Variants in KAZN observed in about 807,000 individuals in gnomAD.
KAZN encodes kazrin.
Under a neutral mutation model 87.4 loss-of-function variants are expected in KAZN, and 40 were observed. The ratio of observed to expected loss-of-function variants is 0.46; its 90% CI spans 0.36 to 0.60. KAZN has a LOEUF of 0.60. Ranked by LOEUF, KAZN falls within the 20% of genes least tolerant of loss-of-function variation. The pLI is 0.00. For synonymous variants in KAZN, 466 were observed against 458.3 expected (o/e 1.02, Z -0.22); for missense variants, 898 against 1,073.9 (o/e 0.84, Z 2.29).
intron 1 of KAZN, among the ~76,000 whole-genome samples, chr1:14,716,410 A>T (rs374184601): frequency 2.6e-5 from 4 of 152,218 alleles, no homozygotes; most frequent in African/African-American, 9.6e-5. Flanking sequence ...GAGGGCATGC[A>T]GTCAGTTGAG....
intron 1 of KAZN, among the ~76,000 whole-genome samples, chr1:14,918,693 AAAAAAAAAAAAAAAATATATATATATAT>A (rs1381355077): frequency 5.2e-4 from 7 of 13,560 alleles, no homozygotes; most frequent in Admixed American, 1.6e-3. Flanking sequence ...AAAAAAAAAA[AAAAAAAAAAAAAAAATATATATATATAT>A]ATATATATAT....
chr1:14,112,276 C>G lies in KAZN; in HGVS notation c.92-68159C>G, dbSNP rs890460863. On this transcript the variant is annotated intron_variant, in intron 1 of 16. Transcript: ENST00000636203. ...CTGACTCTCTCTGCTAGAAGGTGAGCTCCTGATCTGGTGTGTTCATTCGTG... is the reference window on the plus strand; with the variant it reads ...CTGACTCTCTCTGCTAGAAGGTGAGGTCCTGATCTGGTGTGTTCATTCGTG... 1.5e-5 allele frequency among the ~76,000 whole-genome samples: 2 copies of G among 134,210 alleles called. 1 individual carries two copies. The highest frequency in any genetic ancestry group is 5.8e-5 in the African/African-American group (2 of 34,528). The allele number at this position is 134,210 out of a possible 152,430, so 88.0% of individuals were successfully genotyped here. A position where few individuals can be genotyped will look rare whatever the true frequency, so the allele number is the denominator to read the frequency against.
chr1:14,452,669 C>A (rs541322844), intron 2 of KAZN, among the ~76,000 whole-genome samples: 1 of 152,164 alleles, frequency 6.6e-6, no homozygotes, highest in Non-Finnish European at 1.5e-5. Context: ...TAGAAGACAG[C>A]CAGCGCAACA....
intron 1 of KAZN, among the ~76,000 whole-genome samples, chr1:14,706,996 C>G (rs777330129): frequency 4.6e-5 from 7 of 152,202 alleles, no homozygotes; most frequent in Non-Finnish European, 8.8e-5. Context: ...TCTTTGTTAC[C>G]ATGCTCTTGT....
In KAZN at chr1:14,820,687, G is replaced by A. The variant is rs1462524565; in HGVS notation, c.227-139997G>A. On this transcript the variant is annotated intron_variant, in intron 1 of 14. Coordinates refer to ENST00000376030, the MANE Select transcript of KAZN (RefSeq NM_201628.3). The surrounding 1 kb of genome is among the most constrained non-coding windows in gnomAD (Gnocchi z 4.1). ...GAAGATGAAGGCCCCAGCAAGGGAG[G>A]TATTCCTGTCTTGAGCAGAAGGTAA... is the stretch of plus-strand genomic sequence containing the variant. Among the ~76,000 whole-genome samples, 1 of 152,230 alleles carries A rather than the reference G, an allele frequency of 6.6e-6. No homozygotes were observed. Among genetic ancestry groups the A allele is most frequent in the Non-Finnish European group, 1.5e-5 (1 of 68,040 alleles).
intron 1 of KAZN, among the ~76,000 whole-genome samples, chr1:14,126,447 A>G (rs958088343): frequency 6.6e-6 from 1 of 152,032 alleles, no homozygotes; most frequent in East Asian, 1.9e-4. Context: ...AGGCCCACAG[A>G]CACAGAAGTA....
intron 1 of KAZN, among the ~76,000 whole-genome samples, chr1:14,689,528 G>A (rs762970116): frequency 6.6e-6 from 1 of 152,200 alleles, no homozygotes; most frequent in Non-Finnish European, 1.5e-5. Context: ...TTACTAGATG[G>A]TTGCAAGATG....
chr1:13,964,137 G>A (rs1641857431), intron 1 of KAZN, among the ~76,000 whole-genome samples: 1 of 152,056 alleles, frequency 6.6e-6, no homozygotes, highest in Admixed American at 6.5e-5. Flanking sequence ...TCTACTATAT[G>A]CCATATACAA....
At chr1:14,721,417 T>C (rs976094194) in intron 1 of KAZN, among the ~76,000 whole-genome samples, 1 of 152,230 alleles carries the variant, frequency 6.6e-6, no homozygotes, top group African/African-American at 2.4e-5. Context: ...CATGCTGGAC[T>C]GTGAGTCAAT....
intron 2 of KAZN, among the ~76,000 whole-genome samples, chr1:14,205,094 A>T (rs1646712393): frequency 6.6e-6 from 1 of 152,228 alleles, no homozygotes; most frequent in Non-Finnish European, 1.5e-5. Flanking sequence ...GCAGATGGGG[A>T]AGAGGCTGAA....
Position 15,095,253 on chromosome 1 carries a change from C to T in KAZN, c.1547+320C>T, listed in dbSNP as rs529750469. ...TGCCTTCCGGGACCAGCCCAAGCAG[C>T]TCTGCACACTGGGCCGCCATGGTGT... On this transcript the variant is annotated intron_variant, in intron 10 of 14. Coordinates refer to ENST00000376030, the MANE Select transcript of KAZN (RefSeq NM_201628.3). 4.6e-5 allele frequency among the ~76,000 whole-genome samples: 7 copies of T among 152,306 alleles called. No individual in the cohort carries two copies. In the East Asian group the frequency reaches 1.4e-3, roughly 30 times the overall value.
intron 1 of KAZN, among the ~76,000 whole-genome samples, chr1:14,698,081 T>TGTCCTTAG (rs1381153540): frequency 2.0e-5 from 3 of 152,238 alleles, no homozygotes; most frequent in African/African-American, 7.2e-5. Flanking sequence ...TTCTCCAGTA[T>TGTCCTTAG]TCTACCCAAG....
intron 1 of KAZN, among the ~76,000 whole-genome samples, chr1:14,714,631 C>T (rs1168971194): frequency 2.0e-5 from 3 of 152,042 alleles, no homozygotes; most frequent in African/African-American, 7.2e-5. Context: ...TGTCATGGTC[C>T]TTAAGGAAGC....
chr1:14,245,977 C>T (rs1054808509), intron 2 of KAZN, among the ~76,000 whole-genome samples: 5 of 152,180 alleles, frequency 3.3e-5, no homozygotes, highest in Admixed American at 6.5e-5. Context: ...GGTACATATG[C>T]ACCATGGAGT....
At chr1:14,335,917 A>G (rs1033544249) in intron 2 of KAZN, among the ~76,000 whole-genome samples, 1 of 152,198 alleles carries the variant, frequency 6.6e-6, no homozygotes, top group Non-Finnish European at 1.5e-5. Context: ...CACTGGAAAC[A>G]ATCTAGGACA....
chr1:14,162,016 G>A (rs1454499517), intron 1 of KAZN, among the ~76,000 whole-genome samples: 1 of 152,196 alleles, frequency 6.6e-6, no homozygotes, highest in East Asian at 1.9e-4. Flanking sequence ...CACAGAAATT[G>A]CTGGACCATA....
chr1:14,147,804 A>AC (rs917576059), intron 1 of KAZN, among the ~76,000 whole-genome samples: 1 of 151,616 alleles, frequency 6.6e-6, no homozygotes, highest in African/African-American at 2.4e-5. Flanking sequence ...CAAAAAAAAA[A>AC]AACAACAAAA....
intron 2 of KAZN, among the ~76,000 whole-genome samples, chr1:14,365,439 T>C (rs572518170): frequency 6.8e-6 from 1 of 146,406 alleles, no homozygotes; most frequent in African/African-American, 2.5e-5. Flanking sequence ...CAGCATGACC[T>C]CATCTTAATT....
intron 1 of KAZN, among the ~76,000 whole-genome samples, chr1:13,963,756 G>GGTGT (rs1185808187): frequency 4.3e-5 from 5 of 117,040 alleles, no homozygotes; most frequent in African/African-American, 1.6e-4. Context: ...TTTCTGCTGT[G>GGTGT]GTCTGTGTGT....
Sources: gnomAD v4.1 joint callset for allele counts (sites outside exome capture counted in the v4.1 genomes callset) on GRCh38, gnomAD v4.1.1 for gene constraint, Gnocchi (gnomAD v3.1) non-coding constraint, MANE v1.5 for transcripts, NCBI Gene and HGNC (gene_info 2026-07-23, HGNC 2026-07-21) for gene names.